The following MYO3B variants were observed in gnomAD, a reference collection of about 807,000 sequenced individuals.
MYO3B encodes the protein myosin-IIIb.
A neutral mutation model predicts 174.6 loss-of-function variants in MYO3B; 156 were observed. The ratio of observed to expected loss-of-function variants is 0.89; its 90% CI spans 0.78 to 1.02. MYO3B has a LOEUF of 1.02. Among genes scored for constraint, MYO3B ranks in the 50% least tolerant of loss-of-function variants. MYO3B has a pLI of 0.00. For missense variants in MYO3B, 1,632 were observed against 1,639.4 expected, an observed-to-expected ratio of 1.00 and a Z score of 0.08; for synonymous variants, 563 against 569.1, an observed-to-expected ratio of 0.99 and a Z score of 0.15.
chr2:170,405,418 C>T, intron 20 of MYO3B, 127 bp from the exon 21 acceptor site: 2 of 729,930 alleles, frequency 2.7e-6, no homozygotes, highest in Non-Finnish European at 2.3e-6. Flanking sequence ...CTTTCTCCAC[C>T]CTTGTTAATA....
intron 22 of MYO3B, among the ~76,000 whole-genome samples, chr2:170,427,059 C>T (rs2094669330): frequency 6.6e-6 from 1 of 151,836 alleles, no homozygotes; most frequent in Non-Finnish European, 1.5e-5. Context: ...TACCTGGCTT[C>T]AAAGAGGTTG....
chr2:170,225,103 A>G (rs1371779795), intron 6 of MYO3B, among the ~76,000 whole-genome samples: 7 of 152,250 alleles, frequency 4.6e-5, no homozygotes, highest in Non-Finnish European at 1.0e-4. Flanking sequence ...AGCTCTAGCT[A>G]ATGGGTTTGG....
chr2:170,379,924 C>A (rs1335116869), intron 9 of MYO3B, among the ~76,000 whole-genome samples: 1 of 152,134 alleles, frequency 6.6e-6, no homozygotes, highest in Non-Finnish European at 1.5e-5. Context: ...GAGAGAAATC[C>A]ATTTTATTTG....
intron 22 of MYO3B, 82 bp downstream of exon 22, chr2:170,407,926 GC>G: frequency 6.5e-7 from 1 of 1,534,382 alleles, no homozygotes; most frequent in Non-Finnish European, 9.0e-7. Context: ...TCTGAATACT[GC>G]CAGGGCTGCA....
intron 7 of MYO3B, among the ~76,000 whole-genome samples, chr2:170,256,153 A>G (rs369469812): frequency 1.7e-4 from 26 of 152,328 alleles, no homozygotes; most frequent in African/African-American, 6.3e-4. Flanking sequence ...GACCAAACCT[A>G]TGACTCATTG....
At chr2:170,359,559 T>C (rs1191666324) in intron 8 of MYO3B, among the ~76,000 whole-genome samples, 1 of 152,194 alleles carries the variant, frequency 6.6e-6, no homozygotes, top group Non-Finnish European at 1.5e-5. Flanking sequence ...AGCCAGACTC[T>C]CACCCCATCT....
intron 18 of MYO3B, 67 bp downstream of exon 18, chr2:170,401,758 G>A (rs1574920983): frequency 7.1e-7 from 1 of 1,398,946 alleles, no homozygotes; most frequent in East Asian, 2.3e-5. Flanking sequence ...CTTAGAGTTT[G>A]CAAAAGGAAG....
chr2:170,301,552 T>C (rs1241350769), intron 7 of MYO3B, among the ~76,000 whole-genome samples: 2 of 152,216 alleles, frequency 1.3e-5, no homozygotes, highest in Admixed American at 1.3e-4. Flanking sequence ...ATGTTTAAAA[T>C]GGCTGGAAGG....
At chr2:170,343,783 A>G (rs2093995075) in intron 8 of MYO3B, 1 of 152,242 alleles carries the variant, frequency 6.6e-6, no homozygotes, top group African/African-American at 2.4e-5. Context: ...TAGCACTGCT[A>G]ATTAGATTTT....
At position 170,460,260 on chromosome 2, in the gene MYO3B, C is replaced by T. The variant is rs531559575; in HGVS notation, c.2731-3108C>T. Among the ~76,000 whole-genome samples the T allele has an allele frequency of 8.0e-4, 121 of 152,138 alleles. 1 individual carries two copies. Among genetic ancestry groups the T allele is most frequent in the Non-Finnish European group, 1.3e-3 (85 of 67,990 alleles). On this transcript the variant is annotated intron_variant, in intron 23 of 34. Coordinates refer to ENST00000408978, the MANE Select transcript of MYO3B (RefSeq NM_138995.5). ...AACCCAGCACTTTGGGAGGCCGAGG[C>T]GGGCGGATCTCAAGGTCAGGGGTTC...
At chr2:170,424,238 A>G (rs1312741453) in intron 22 of MYO3B, among the ~76,000 whole-genome samples, 2 of 152,194 alleles carry the variant, frequency 1.3e-5, no homozygotes, top group Non-Finnish European at 2.9e-5. Context: ...TTTCCAGGAC[A>G]TCCTTCCAGT....
chr2:170,427,572 T>C (rs2094674810), intron 22 of MYO3B, among the ~76,000 whole-genome samples: 1 of 152,094 alleles, frequency 6.6e-6, no homozygotes, highest in Non-Finnish European at 1.5e-5. Context: ...AACAATGTAG[T>C]TTAGATATGA....
At chr2:170,196,164 G>A (rs1255360061) in intron 1 of MYO3B, among the ~76,000 whole-genome samples, 2 of 152,156 alleles carry the variant, frequency 1.3e-5, no homozygotes, top group South Asian at 2.1e-4. Context: ...CTTTGGAAAT[G>A]TTCCTCATTT....
chr2:170,577,908 G>A (rs1331293974), intron 32 of MYO3B, among the ~76,000 whole-genome samples: 1 of 152,178 alleles, frequency 6.6e-6, no homozygotes, highest in African/African-American at 2.4e-5. Flanking sequence ...AATGTGAAGG[G>A]GAAAGATTTT....
Position 170,652,096 on chromosome 2 carries a change from C to A in MYO3B, c.3841-12C>A. The A allele has an allele frequency of 6.2e-7, 1 of 1,610,692 alleles. No homozygotes were observed. Among genetic ancestry groups the A allele is most frequent in the Non-Finnish European group, 8.5e-7 (1 of 1,179,180 alleles). On this transcript the variant is annotated splice_polypyrimidine_tract_variant and intron_variant, in intron 33 of 34. Transcript: ENST00000408978. ...CTTTGCTTTGACTGTGTGTTCTTGG[C>A]CCTCTCCACAGGGAACTCTAGAATA...
chr2:170,253,620 A>G (rs1327688906), intron 7 of MYO3B, among the ~76,000 whole-genome samples: 1 of 152,086 alleles, frequency 6.6e-6, no homozygotes, highest in Non-Finnish European at 1.5e-5. Flanking sequence ...GGTGTGTGTA[A>G]AGAAGACGAG....
chr2:170,624,666 A>G (rs1696247165), intron 32 of MYO3B, among the ~76,000 whole-genome samples: 1 of 152,116 alleles, frequency 6.6e-6, no homozygotes, highest in South Asian at 2.1e-4. Context: ...GAATGCTTCC[A>G]GTTTTTGCCC....
chr2:170,638,640 A>G (rs565792144), intron 32 of MYO3B, among the ~76,000 whole-genome samples: 3 of 152,266 alleles, frequency 2.0e-5, no homozygotes, highest in African/African-American at 7.2e-5. Flanking sequence ...CTGCCTTCAC[A>G]CTGGCTTCAG....
chr2:170,371,316 T>A (rs2094243398), intron 9 of MYO3B, among the ~76,000 whole-genome samples: 1 of 151,752 alleles, frequency 6.6e-6, no homozygotes, highest in Non-Finnish European at 1.5e-5. Context: ...TTTCTCTTTA[T>A]CTTTGTTAAC....
Sources: gnomAD v4.1 joint callset for allele counts (sites outside exome capture counted in the v4.1 genomes callset) on GRCh38, gnomAD v4.1.1 for gene constraint, MANE v1.5 for transcripts, NCBI Gene and HGNC (gene_info 2026-07-23, HGNC 2026-07-21) for gene names.